SLC25A3: variants seen among roughly 807,000 people sequenced by gnomAD.
SLC25A3 encodes solute carrier family 25 member 3.
In SLC25A3, 14 loss-of-function variants were observed where a neutral mutation model predicts 37.1. That is an observed-to-expected ratio of 0.38 (90% CI 0.25 to 0.59). The LOEUF is 0.59. Among genes scored for constraint, SLC25A3 ranks in the 20% least tolerant of loss-of-function variants. SLC25A3 has a pLI of 0.67. For missense variants in SLC25A3, 385 were observed against 458.1 expected (o/e 0.84, Z 1.46); for synonymous variants, 161 against 168.7 (o/e 0.95, Z 0.36).
chr12:98,598,410 C>T lies in SLC25A3; in HGVS notation c.460-112C>T, dbSNP rs899188581. On this transcript the variant is annotated intron_variant, in intron 4 of 7. Transcript: ENST00000552981. ...AGACCACATATATATTCCATATCAT[C>T]GTGTGTTACTTTATAAAATGTCTGA... 2.2e-5 allele frequency: 34 copies of T among 1,529,364 alleles called. No homozygotes were observed. The East Asian group carries it at 6.6e-4, about 30-fold the overall frequency. 94.7% of individuals were successfully genotyped at this position (1,529,364 alleles called of 1,614,324 possible).
chr12:98,596,706 C>T (rs1003710045), intron 3 of SLC25A3, among the ~76,000 whole-genome samples: 2 of 151,934 alleles, frequency 1.3e-5, no homozygotes, highest in South Asian at 4.2e-4. Context: ...ATTATCTAGA[C>T]AGTAGCTTTT....
intron 2 of SLC25A3, chr12:98,595,386 A>G: frequency 1.2e-6 from 2 of 1,605,714 alleles, no homozygotes; most frequent in South Asian, 1.1e-5. Context: ...GGCCTTAGTC[A>G]TCTCTGAAGA....
At chr12:98,600,407 G>GTTTTTGT (rs1336500941) in intron 6 of SLC25A3, among the ~76,000 whole-genome samples, 2 of 150,532 alleles carry the variant, frequency 1.3e-5, no homozygotes, top group Non-Finnish European at 1.5e-5. Context: ...GCTGATTTTT[G>GTTTTTGT]TTTTTGTTTT....
rs1592974962 is a variant in SLC25A3, at chr12:98,595,252, C to A, written c.158-475C>A. ...GCTATTAATAGTATCAGATACAGAA[C>A]CCTCATAATTTTTAAATGATCTGAA... On this transcript the variant is annotated intron_variant, in intron 2 of 7. Transcript: ENST00000552981. The A allele has an allele frequency of 3.0e-5, 19 of 624,202 alleles. No homozygotes were observed. The East Asian group carries it at 4.4e-4, about 14-fold the overall frequency. The allele number at this position is 624,202 out of a possible 1,614,324, so 38.7% of individuals were successfully genotyped here.
rs938082598 is a variant in SLC25A3, at chr12:98,605,356, C to G, written c.*3828C>G. On this transcript the variant is annotated 3_prime_UTR_variant, in exon 8 of 8. Coordinates refer to ENST00000552981, the MANE Select transcript of SLC25A3 (RefSeq NM_002635.4). The stretch of plus-strand genomic sequence containing the variant: ...CCCGAGAGGTTGAGGCTACAGTGAG[C>G]CATGTTTACGCCATTGCAGTCCAGC... The G allele has an allele frequency of 6.6e-6, 1 of 151,934 alleles. No individual in the cohort carries two copies. The highest frequency in any genetic ancestry group is 2.4e-5 in the African/African-American group (1 of 41,328). The allele number at this position is 151,934 out of a possible 1,614,324, so 9.4% of individuals were successfully genotyped here.
Position 98,602,499 on chromosome 12 carries a change from T to C in SLC25A3, c.*971T>C, listed in dbSNP as rs1057161657. On this transcript the variant is annotated 3_prime_UTR_variant, in exon 8 of 8. Coordinates refer to ENST00000552981, the MANE Select transcript of SLC25A3 (RefSeq NM_002635.4). Reference sequence around the variant, plus strand: ...ACAGAAAATTGAACTATTTTCAGTCTGGTATTTTAAGAAAGGTACTGCTTG... The same window carrying C: ...ACAGAAAATTGAACTATTTTCAGTCCGGTATTTTAAGAAAGGTACTGCTTG... The C allele has an allele frequency of 6.6e-6, 1 of 152,208 alleles. No individual in the cohort carries two copies. The highest frequency in any genetic ancestry group is 1.5e-5 in the Non-Finnish European group (1 of 68,036). The allele number at this position is 152,208 out of a possible 1,614,324, so 9.4% of individuals were successfully genotyped here. A position where few individuals can be genotyped will look rare whatever the true frequency, so the allele number is the denominator to read the frequency against.
At position 98,603,048 on chromosome 12, in the gene SLC25A3, TAA is replaced by T. The variant is rs994979728; in HGVS notation, c.*1524_*1525del. 3.9e-5 allele frequency: 6 copies of T among 152,218 alleles called. No homozygotes were observed. The highest frequency in any genetic ancestry group is 8.8e-5 in the Non-Finnish European group (6 of 68,034). The allele number at this position is 152,218 out of a possible 1,614,324, so 9.4% of individuals were successfully genotyped here. On this transcript the variant is annotated 3_prime_UTR_variant, in exon 8 of 8. Coordinates refer to ENST00000552981, the MANE Select transcript of SLC25A3 (RefSeq NM_002635.4). The stretch of plus-strand genomic sequence containing the variant: ...GTAGGTACAAATTTGGACCAAACTT[TAA>T]AAAGGTAAAGTAGGATGTCTTCTGA...
At chr12:98,600,293 A>G (rs2097596702) in intron 6 of SLC25A3, among the ~76,000 whole-genome samples, 166 bp downstream of exon 6, 1 of 152,222 alleles carries the variant, frequency 6.6e-6, no homozygotes. Flanking sequence ...GCTGGAGTGC[A>G]GTGGCATGAT....
Position 98,593,726 on chromosome 12 carries a change from T to C in SLC25A3, c.-19T>C. 1.7e-6 allele frequency: 1 copy of C among 578,564 alleles called. No individual in the cohort carries two copies. Among genetic ancestry groups the C allele is most frequent in the East Asian group, 2.9e-5 (1 of 34,254 alleles). 35.8% of individuals were successfully genotyped at this position (578,564 alleles called of 1,614,324 possible). ...CCTTTCCAAGGGAGTGGTTGTGTGATCGCCATCTTAGGGAGTGAGTGTGGC... is the reference window on the plus strand; with the variant it reads ...CCTTTCCAAGGGAGTGGTTGTGTGACCGCCATCTTAGGGAGTGAGTGTGGC... On this transcript the variant is annotated 5_prime_UTR_variant, in exon 1 of 8. Transcript: ENST00000552981.
chr12:98,596,901 CG>C (rs1565830001), intron 3 of SLC25A3, among the ~76,000 whole-genome samples: 1 of 152,038 alleles, frequency 6.6e-6, no homozygotes, highest in African/African-American at 2.4e-5. Flanking sequence ...TGCCTGTAGT[CG>C]CAGCTACTCG....
chr12:98,595,610 TTATAAGA>T (rs781410723), intron 2 of SLC25A3, 110 bp from the exon 3 acceptor site: 31 of 1,612,864 alleles, frequency 1.9e-5, no homozygotes, highest in Non-Finnish European at 2.5e-5. Flanking sequence ...GACTGTTAAG[TTATAAGA>T]TATAGTCATC....
chr12:98,605,702 T>C lies in SLC25A3; in HGVS notation c.*4174T>C. On this transcript the variant is annotated 3_prime_UTR_variant, in exon 8 of 8. Coordinates refer to ENST00000552981, the MANE Select transcript of SLC25A3 (RefSeq NM_002635.4). ...AGGCATGGTGGTGCATGCCTGTAATTCCAGCTACTCGGGAGGCTGAGGCAG... is the reference window on the plus strand; with the variant it reads ...AGGCATGGTGGTGCATGCCTGTAATCCCAGCTACTCGGGAGGCTGAGGCAG... 1 of 150,408 alleles carries C rather than the reference T, an allele frequency of 6.6e-6. No homozygotes were observed. The highest frequency in any genetic ancestry group is 1.5e-5 in the Non-Finnish European group (1 of 67,556). 9.3% of individuals were successfully genotyped at this position (150,408 alleles called of 1,614,324 possible).
At position 98,595,750 on chromosome 12, in the gene SLC25A3, G is replaced by C. The variant is rs11544652; in HGVS notation, c.181G>C (p.Ala61Pro). 3.1e-6 allele frequency: 5 copies of C among 1,614,094 alleles called. No homozygotes were observed. Among genetic ancestry groups the C allele is most frequent in the Non-Finnish European group, 4.2e-6 (5 of 1,179,978 alleles). Reference sequence around the variant, plus strand: ...AGAGTACAGTTGTGAATTTGGCTCCGCGAAGTATTATGCACTGTGTGGCTT... The same window carrying C: ...AGAGTACAGTTGTGAATTTGGCTCCCCGAAGTATTATGCACTGTGTGGCTT... ...VEEYSCEFGSAKYYALCGFGG... is the reference protein window; with the variant it reads ...VEEYSCEFGSPKYYALCGFGG... Residue 61 changes from alanine (A) to proline (P), a missense_variant, in exon 3 of 8, where the codon GCG becomes CCG. Physicochemically the swap from Ala to Pro is conservative, Grantham distance 27 (BLOSUM62 -1). Around this residue, in one of 2 missense-constraint regions of SLC25A3, gnomAD observed 109 missense variants for 90.5 expected, o/e 1.20. Transcript: ENST00000552981.
intron 3 of SLC25A3, chr12:98,597,583 C>G (rs956651889): frequency 2.6e-6 from 1 of 387,774 alleles, no homozygotes; most frequent in African/African-American, 2.1e-5. Context: ...GCCACCATGC[C>G]CGTCCAATTT....
Position 98,597,923 on chromosome 12 carries a change from G to T in SLC25A3, c.347G>T (p.Arg116Leu). 6.2e-7 allele frequency: 1 copy of T among 1,614,138 alleles called. No individual in the cohort carries two copies. Among genetic ancestry groups the T allele is most frequent in the South Asian group, 1.1e-5 (1 of 91,084 alleles). Residue 116 changes from arginine (R) to leucine (L), a missense_variant, in exon 4 of 8, where the codon CGT (arginine) becomes CTT (leucine). Coordinates refer to ENST00000552981, the MANE Select transcript of SLC25A3 (RefSeq NM_002635.4). ...GTTACACTTAAAGAGGATGGTGTTC[G>T]TGGTTTGGCTAAAGGATGGGCTCCG... ...FSVTLKEDGV[R>L]GLAKGWAPTF...
chr12:98,595,112 T>A (rs1265032050), intron 2 of SLC25A3: 2 of 319,394 alleles, frequency 6.3e-6, no homozygotes, highest in Non-Finnish European at 1.2e-5. Flanking sequence ...TTTCTGAGTT[T>A]CGTTTGTACT....
At position 98,598,064 on chromosome 12, in the gene SLC25A3, TC is replaced by T. The variant is rs138634912; in HGVS notation, c.459+31del. 176,407 of 1,607,612 alleles carry T rather than the reference TC, an allele frequency of 0.11. 10,640 individuals carry two copies. Among genetic ancestry groups the T allele is most frequent in the Non-Finnish European group, 0.12 (146,163 of 1,174,026 alleles). ...TGTAATTAACTTTAAAATTGAATGTTCCGAGTGTTTAAGACTTTCCGAGTGT... is the reference window on the plus strand; with the variant it reads ...TGTAATTAACTTTAAAATTGAATGTTCGAGTGTTTAAGACTTTCCGAGTGT... On this transcript the variant is annotated intron_variant, in intron 4 of 7. Transcript: ENST00000552981.
intron 3 of SLC25A3, chr12:98,597,416 CTT>C (rs1160705083): frequency 4.6e-4 from 70 of 152,018 alleles, no homozygotes; most frequent in South Asian, 1.0e-3. Flanking sequence ...TACTGTATTT[CTT>C]TTTTTTTTTT....
In SLC25A3 at chr12:98,594,042, G is replaced by C; in HGVS notation, c.64G>C (p.Val22Leu). The change falls in exon 2 of 8, where the codon GTG (valine) becomes CTG (leucine). Residue 22 changes from valine to leucine, a missense_variant. Coordinates refer to ENST00000552981, the MANE Select transcript of SLC25A3 (RefSeq NM_002635.4). ...NPFNTPHLQL[V>L]HDGLGDLRSS... The stretch of plus-strand genomic sequence containing the variant: ...CTTCAACACGCCACATCTGCAGCTG[G>C]TGCACGATGGTCTCGGGGACCTCCG... The C allele has an allele frequency of 6.2e-7, 1 of 1,613,528 alleles. No individual in the cohort carries two copies. The highest frequency in any genetic ancestry group is 8.5e-7 in the Non-Finnish European group (1 of 1,179,910).
Sources: gnomAD v4.1 joint callset for allele counts (sites outside exome capture counted in the v4.1 genomes callset) on GRCh38, gnomAD v4.1.1 for gene constraint, gnomAD v4.1.1 regional missense constraint, MANE v1.5 for transcripts, NCBI Gene and HGNC (gene_info 2026-07-23, HGNC 2026-07-21) for gene names.